Variants in CDH4 observed in about 807,000 individuals in gnomAD.
The protein encoded by CDH4 is cadherin-4.
CDH4 carries 33 observed loss-of-function variants against 86.0 expected under a neutral mutation model. That is an observed-to-expected ratio of 0.38 (90% CI 0.29 to 0.51). The LOEUF (loss-of-function observed/expected upper bound fraction) is 0.51. CDH4 is among the 20% of genes least tolerant of loss of function. CDH4 has a pLI of 0.86. For synonymous variants in CDH4, 555 were observed against 549.4 expected, an observed-to-expected ratio of 1.01 and a Z score of -0.14; for missense variants, 1,114 against 1,307.4, an observed-to-expected ratio of 0.85 and a Z score of 2.28.
At chr20:61,445,322 C>T (rs1051961288) in intron 2 of CDH4, among the ~76,000 whole-genome samples, 1 of 152,186 alleles carries the variant, frequency 6.6e-6, no homozygotes, top group African/African-American at 2.4e-5. Flanking sequence ...CATCAGTGCT[C>T]AGAGTCTGAC....
intron 4 of CDH4, among the ~76,000 whole-genome samples, chr20:61,801,128 C>T (rs1238477558): frequency 4.6e-5 from 7 of 152,284 alleles, no homozygotes; most frequent in African/African-American, 1.4e-4. Flanking sequence ...GCCACAGCAC[C>T]GGGGCTCCTG....
At chr20:61,325,910 G>A (rs2084534556) in intron 2 of CDH4, among the ~76,000 whole-genome samples, 1 of 152,160 alleles carries the variant, frequency 6.6e-6, no homozygotes, top group South Asian at 2.1e-4. Context: ...TCCCACCAGA[G>A]CCCGTCTGGT....
At chr20:61,657,008 G>A (rs1417986337) in intron 2 of CDH4, among the ~76,000 whole-genome samples, 2 of 152,216 alleles carry the variant, frequency 1.3e-5, no homozygotes, top group Admixed American at 1.3e-4. Flanking sequence ...GCCCCCAGAG[G>A]CATGTGTCTT....
At chr20:61,534,675 T>TA (rs1222503387) in intron 2 of CDH4, among the ~76,000 whole-genome samples, 1 of 142,708 alleles carries the variant, frequency 7.0e-6, no homozygotes, top group Non-Finnish European at 1.5e-5. Flanking sequence ...CTTTTTTTTT[T>TA]TTTTTTTTTT....
chr20:61,636,593 T>A (rs2086948980), intron 2 of CDH4, among the ~76,000 whole-genome samples: 1 of 152,252 alleles, frequency 6.6e-6, no homozygotes, highest in East Asian at 1.9e-4. Flanking sequence ...TTGTCTATCT[T>A]TGCGAGGCTC....
intron 2 of CDH4, chr20:61,570,109 A>G (rs1401343250): frequency 1.3e-5 from 2 of 152,544 alleles, no homozygotes; most frequent in African/African-American, 4.8e-5. Flanking sequence ...CTTGCCTAAA[A>G]CAAGTGCAGG....
chr20:61,653,056 T>G (rs1299164804), intron 2 of CDH4, among the ~76,000 whole-genome samples: 3 of 125,438 alleles, frequency 2.4e-5, no homozygotes, highest in Admixed American at 8.0e-5. Context: ...CAAAGGTCTC[T>G]GGTTTTCCTA....
chr20:61,809,166 C>G (rs981492393), intron 4 of CDH4, among the ~76,000 whole-genome samples: 1 of 152,110 alleles, frequency 6.6e-6, no homozygotes, highest in Non-Finnish European at 1.5e-5. Context: ...TCCGCGAATC[C>G]GGGTGGTGTC....
At chr20:61,325,636 C>T (rs1006779040) in intron 2 of CDH4, among the ~76,000 whole-genome samples, 1 of 151,776 alleles carries the variant, frequency 6.6e-6, no homozygotes, top group Non-Finnish European at 1.5e-5. Context: ...GAGCACTGGC[C>T]CAGGGTGGTG....
In CDH4 at chr20:61,793,013, A is replaced by C. The variant is rs375597403; in HGVS notation, c.576+19831A>C. ...AGTTTCACTCTGTTGCCCAGGCTGGAGTGCAGTAGTGCAGTCTTGGCTTAC... is the reference window on the plus strand; with the variant it reads ...AGTTTCACTCTGTTGCCCAGGCTGGCGTGCAGTAGTGCAGTCTTGGCTTAC... On this transcript the variant is annotated intron_variant, in intron 4 of 15. Coordinates refer to ENST00000614565, the MANE Select transcript of CDH4 (RefSeq NM_001794.5). Among the ~76,000 whole-genome samples the C allele has an allele frequency of 5.1e-4, 78 of 151,702 alleles. 1 individual carries two copies. In the East Asian group the frequency reaches 0.015, roughly 29 times the overall value.
At chr20:61,609,616 A>G (rs894668002) in intron 2 of CDH4, among the ~76,000 whole-genome samples, 1 of 152,130 alleles carries the variant, frequency 6.6e-6, no homozygotes, top group Non-Finnish European at 1.5e-5. Context: ...AAATTCCAGG[A>G]GATGTCACGT....
chr20:61,395,184 A>T (rs866656200), intron 2 of CDH4, among the ~76,000 whole-genome samples: 3 of 151,988 alleles, frequency 2.0e-5, no homozygotes, highest in Non-Finnish European at 4.4e-5. Flanking sequence ...TTGTCAAAAG[A>T]AAAAATGCTG....
intron 1 of CDH4, among the ~76,000 whole-genome samples, chr20:61,254,047 C>T (rs936238787): frequency 4.6e-5 from 7 of 152,238 alleles, no homozygotes; most frequent in African/African-American, 1.2e-4. Flanking sequence ...GTCGTCCACC[C>T]CATCCTTCCC....
chr20:61,717,987 G>A (rs2087983480), intron 2 of CDH4: 1 of 152,336 alleles, frequency 6.6e-6, no homozygotes, highest in Non-Finnish European at 1.5e-5. Context: ...AGAAGGCCCT[G>A]ATGTCCCCTA....
chr20:61,292,987 G>A (rs1004189757), intron 2 of CDH4, among the ~76,000 whole-genome samples: 1 of 152,140 alleles, frequency 6.6e-6, no homozygotes, highest in Non-Finnish European at 1.5e-5. Flanking sequence ...GTGCTGCCGG[G>A]GTCTGCGGCG....
intron 2 of CDH4, among the ~76,000 whole-genome samples, chr20:61,387,622 A>G (rs2084959248): frequency 6.6e-6 from 1 of 152,222 alleles, no homozygotes; most frequent in Non-Finnish European, 1.5e-5. Flanking sequence ...AGACAAAAAG[A>G]TACACACAGA....
intron 4 of CDH4, among the ~76,000 whole-genome samples, chr20:61,841,518 T>G (rs1383499043): frequency 6.6e-6 from 1 of 152,160 alleles, no homozygotes; most frequent in African/African-American, 2.4e-5. Context: ...GCTGGTGGCC[T>G]TGGGCAGTAG....
intron 2 of CDH4, among the ~76,000 whole-genome samples, chr20:61,666,019 C>T (rs1003188608): frequency 6.6e-6 from 1 of 152,156 alleles, no homozygotes; most frequent in African/African-American, 2.4e-5. Context: ...AAACGCTGAC[C>T]CTGGCCATCC....
At chr20:61,424,667 T>C (rs2085201677) in intron 2 of CDH4, among the ~76,000 whole-genome samples, 1 of 151,564 alleles carries the variant, frequency 6.6e-6, no homozygotes, top group East Asian at 1.9e-4. Flanking sequence ...GTTTTCACTC[T>C]GGCCAGCTCC....
Sources: gnomAD v4.1 joint callset for allele counts (sites outside exome capture counted in the v4.1 genomes callset) on GRCh38, gnomAD v4.1.1 for gene constraint, MANE v1.5 for transcripts, NCBI Gene and HGNC (gene_info 2026-07-23, HGNC 2026-07-21) for gene names.